CDK14: variants seen among roughly 807,000 people sequenced by gnomAD.
CDK14 encodes cyclin-dependent kinase 14.
A neutral mutation model predicts 60.7 loss-of-function variants in CDK14; 34 were observed. The ratio of observed to expected loss-of-function variants is 0.56; its 90% CI spans 0.43 to 0.75. The LOEUF is 0.75. Ranked by LOEUF, CDK14 falls within the 30% of genes least tolerant of loss-of-function variation. CDK14 has a pLI of 0.00. For synonymous variants in CDK14, 197 were observed against 203.7 expected (o/e 0.97, Z 0.28); for missense variants, 482 against 564.1 (o/e 0.85, Z 1.47).
At chr7:91,083,374 T>G (rs1798535064) in intron 12 of CDK14, among the ~76,000 whole-genome samples, 1 of 152,154 alleles carries the variant, frequency 6.6e-6, no homozygotes, top group Non-Finnish European at 1.5e-5. Context: ...GAGTTCAGCA[T>G]TAGAACACTG....
chr7:91,190,769 C>T (rs140970163), intron 14 of CDK14, among the ~76,000 whole-genome samples: 268 of 150,104 alleles, frequency 1.8e-3, no homozygotes, highest in African/African-American at 6.1e-3. Context: ...GGAATACAGG[C>T]GTGAGCCACC....
chr7:91,134,950 G>A (rs1205875055), intron 14 of CDK14, among the ~76,000 whole-genome samples: 1 of 151,994 alleles, frequency 6.6e-6, no homozygotes, highest in Non-Finnish European at 1.5e-5. Context: ...CCCTGAACCA[G>A]CTTATTAAAT....
chr7:90,931,118 T>C (rs1793579778), intron 8 of CDK14, among the ~76,000 whole-genome samples: 1 of 152,212 alleles, frequency 6.6e-6, no homozygotes, highest in Non-Finnish European at 1.5e-5. Context: ...TAGCTATAAA[T>C]GAGCTCCTTG....
intron 2 of CDK14, among the ~76,000 whole-genome samples, chr7:90,712,598 C>A (rs1295587737): frequency 6.6e-6 from 1 of 151,816 alleles, no homozygotes; most frequent in Non-Finnish European, 1.5e-5. Flanking sequence ...ACTAAAATAG[C>A]CTATGGGAAA....
At chr7:90,811,602 C>T (rs541047563) in intron 5 of CDK14, among the ~76,000 whole-genome samples, 3,269 of 151,132 alleles carry the variant, frequency 0.022, 50 homozygotes, top group African/African-American at 0.03. Context: ...GCAACAAAAG[C>T]CAAAATTGAC....
chr7:90,886,962 C>T (rs1007679409), intron 6 of CDK14, among the ~76,000 whole-genome samples: 3 of 152,020 alleles, frequency 2.0e-5, no homozygotes, highest in African/African-American at 7.2e-5. Flanking sequence ...GCTATTTTTT[C>T]ATTTGACAGA....
At chr7:90,883,495 ATTC>A (rs1165154837) in intron 6 of CDK14, among the ~76,000 whole-genome samples, 1 of 152,222 alleles carries the variant, frequency 6.6e-6, no homozygotes, top group African/African-American at 2.4e-5. Context: ...TCACAGCTGA[ATTC>A]TACCAGAAAT....
At chr7:91,188,560 A>G (rs1350661321) in intron 14 of CDK14, among the ~76,000 whole-genome samples, 2 of 151,810 alleles carry the variant, frequency 1.3e-5, no homozygotes, top group African/African-American at 4.8e-5. Flanking sequence ...GGATGGATGG[A>G]TGGATACATA....
intron 2 of CDK14, among the ~76,000 whole-genome samples, chr7:90,631,071 T>C (rs1799987760): frequency 6.6e-6 from 1 of 152,182 alleles, no homozygotes; most frequent in African/African-American, 2.4e-5. Context: ...GGTACTCTGA[T>C]AGGATTCAGA....
At chr7:90,714,312 C>T (rs528772574) in intron 2 of CDK14, among the ~76,000 whole-genome samples, 5 of 152,114 alleles carry the variant, frequency 3.3e-5, no homozygotes, top group South Asian at 2.1e-4. Flanking sequence ...GACAGTGAAA[C>T]GCTTCTGGAA....
chr7:90,770,949 AG>A (rs1804761582), intron 4 of CDK14, among the ~76,000 whole-genome samples: 2 of 152,174 alleles, frequency 1.3e-5, no homozygotes, highest in South Asian at 4.1e-4. Flanking sequence ...GACCAGTTTT[AG>A]CAAGAGTCTT....
At chr7:90,838,890 G>T (rs1304502372) in intron 5 of CDK14, among the ~76,000 whole-genome samples, 1 of 152,034 alleles carries the variant, frequency 6.6e-6, no homozygotes, top group Non-Finnish European at 1.5e-5. Flanking sequence ...TTTGCCTTGG[G>T]ATCTTTTATT....
chr7:91,073,431 C>T (rs1395228959), intron 11 of CDK14, among the ~76,000 whole-genome samples: 1 of 152,122 alleles, frequency 6.6e-6, no homozygotes, highest in Admixed American at 6.5e-5. Flanking sequence ...GAAATAAAAT[C>T]ATTTTCAGAC....
intron 14 of CDK14, among the ~76,000 whole-genome samples, chr7:91,159,338 C>T (rs1801094708): frequency 2.0e-5 from 3 of 152,332 alleles, no homozygotes; most frequent in Admixed American, 2.0e-4. Context: ...AGAGACTCAG[C>T]ATGGTCATGC....
intron 6 of CDK14, among the ~76,000 whole-genome samples, chr7:90,893,359 A>T (rs1003364819): frequency 6.6e-6 from 1 of 152,192 alleles, no homozygotes; most frequent in Non-Finnish European, 1.5e-5. Flanking sequence ...TCTTTTGGAT[A>T]TGCGTAGTTA....
At chr7:90,765,256 T>A (rs937048090) in intron 4 of CDK14, among the ~76,000 whole-genome samples, 2 of 151,478 alleles carry the variant, frequency 1.3e-5, no homozygotes, top group African/African-American at 4.9e-5. Flanking sequence ...AAAAAGTTAT[T>A]TTTTTTTTAC....
intron 2 of CDK14, among the ~76,000 whole-genome samples, chr7:90,677,837 C>A (rs914574236): frequency 6.6e-6 from 1 of 152,126 alleles, no homozygotes; most frequent in East Asian, 1.9e-4. Context: ...GCAAGTGTTA[C>A]AATTGTCAGG....
chr7:90,934,043 A>G lies in CDK14; in HGVS notation c.826+16319A>G, dbSNP rs1320847267. On this transcript the variant is annotated intron_variant, in intron 8 of 14. Coordinates refer to ENST00000380050, the MANE Select transcript of CDK14 (RefSeq NM_001287135.2). The stretch of plus-strand genomic sequence containing the variant: ...TTAGCCTGCAGGCTGTGCTAGGCAG[A>G]CTTGTTTCCATCCAGCACATGCTCT... Among the ~76,000 whole-genome samples, 4 of 152,358 alleles carry G rather than the reference A, an allele frequency of 2.6e-5. No homozygotes were observed. In the East Asian group the frequency reaches 7.7e-4, roughly 29 times the overall value.
At chr7:91,149,994 G>A (rs1390011984) in intron 14 of CDK14, among the ~76,000 whole-genome samples, 1 of 152,196 alleles carries the variant, frequency 6.6e-6, no homozygotes, top group African/African-American at 2.4e-5. Context: ...ATGAAGAATT[G>A]TGTAGGGCCC....
Sources: gnomAD v4.1 joint callset for allele counts (sites outside exome capture counted in the v4.1 genomes callset) on GRCh38, gnomAD v4.1.1 for gene constraint, MANE v1.5 for transcripts, NCBI Gene and HGNC (gene_info 2026-07-23, HGNC 2026-07-21) for gene names.